Variants in OSBPL2 observed in about 807,000 individuals in gnomAD.
OSBPL2 encodes the protein oxysterol-binding protein-related protein 2.
Under a neutral mutation model 58.4 loss-of-function variants are expected in OSBPL2, and 18 were observed. The ratio of observed to expected loss-of-function variants is 0.31; its 90% CI spans 0.21 to 0.46. The LOEUF (loss-of-function observed/expected upper bound fraction) is 0.46. Ranked by LOEUF, OSBPL2 falls within the 20% of genes least tolerant of loss-of-function variation. The pLI, the probability that OSBPL2 is intolerant of heterozygous loss-of-function variation, is 1.00. For missense variants in OSBPL2, 461 were observed against 616.5 expected (o/e 0.75, Z 2.67); for synonymous variants, 221 against 234.1 (o/e 0.94, Z 0.51).
At chr20:62,245,979 A>G (rs1246352669) in intron 1 of OSBPL2, among the ~76,000 whole-genome samples, 1 of 152,234 alleles carries the variant, frequency 6.6e-6, no homozygotes, top group African/African-American at 2.4e-5. Flanking sequence ...GGAAGGAGGA[A>G]TGGGGCCTGG....
At chr20:62,259,829 C>A in intron 2 of OSBPL2, 152 bp from the exon 3 acceptor site, 1 of 722,424 alleles carries the variant, frequency 1.4e-6, no homozygotes, top group Middle Eastern at 3.2e-4. Flanking sequence ...ACCGTGTCTG[C>A]TTCTGGAGAA....
intron 6 of OSBPL2, among the ~76,000 whole-genome samples, chr20:62,277,120 G>A (rs775846138): frequency 3.3e-5 from 5 of 152,052 alleles, no homozygotes; most frequent in Admixed American, 1.3e-4. Context: ...GCGTGGTGGC[G>A]GGTGCCTGTA....
intron 1 of OSBPL2, chr20:62,242,729 G>A (rs570406318): frequency 6.6e-6 from 1 of 152,580 alleles, no homozygotes; most frequent in African/African-American, 2.4e-5. Context: ...CAAGTCAGGG[G>A]TGGGAAGGGT....
chr20:62,291,514 C>T (rs1329669323), intron 12 of OSBPL2, 189 bp from the exon 13 acceptor site: 7 of 635,700 alleles, frequency 1.1e-5, no homozygotes, highest in South Asian at 1.7e-5. Flanking sequence ...TTGGGAAGGG[C>T]CCTGTTGGCG....
In OSBPL2 at chr20:62,256,373, C is replaced by A. The variant is rs75323599; in HGVS notation, c.37+152C>A. 45,642 of 610,550 alleles carry A rather than the reference C, an allele frequency of 0.075. 2,229 individuals carry two copies. The highest frequency in any genetic ancestry group is 0.09 in the Non-Finnish European group (32,431 of 361,900). 37.8% of individuals were successfully genotyped at this position (610,550 alleles called of 1,614,324 possible). A position where few individuals can be genotyped will look rare whatever the true frequency, so the allele number is the denominator to read the frequency against. ...CCCAAACACGGACTGTTCAGCAAAACCTGACATCCATCTCAGAGGTGGGAA... is the reference window on the plus strand; with the variant it reads ...CCCAAACACGGACTGTTCAGCAAAAACTGACATCCATCTCAGAGGTGGGAA... On this transcript the variant is annotated intron_variant, in intron 2 of 13. Coordinates refer to ENST00000313733, the MANE Select transcript of OSBPL2 (RefSeq NM_144498.4).
rs142341897 is a variant in OSBPL2 at position 62,273,344 on chromosome 20, C to T, written c.429C>T (p.Ser143=). 1.9e-5 allele frequency: 30 copies of T among 1,605,552 alleles called. No homozygotes were observed. Among genetic ancestry groups the T allele is most frequent in the South Asian group, 1.2e-4 (11 of 89,674 alleles). Residue 143 remains serine, a synonymous_variant, in exon 6 of 14, where the codon TCC becomes TCT. Coordinates refer to ENST00000313733, the MANE Select transcript of OSBPL2 (RefSeq NM_144498.4). The part of the protein sequence containing the change: ...VAAFAVSAVA[S]QWERTGKPFN... Reference sequence around the variant, plus strand: ...CTTTTGCTGTTTCGGCTGTGGCTTCCCAGTGGGAGAGGACCGGCAAACCAT... The same window carrying T: ...CTTTTGCTGTTTCGGCTGTGGCTTCTCAGTGGGAGAGGACCGGCAAACCAT...
At chr20:62,272,042 G>T in intron 4 of OSBPL2, 83 bp from the exon 5 acceptor site, 1 of 1,529,050 alleles carries the variant, frequency 6.5e-7, no homozygotes, top group South Asian at 1.2e-5. Flanking sequence ...GCTCCATGAA[G>T]GGATGCTCAG....
intron 1 of OSBPL2, among the ~76,000 whole-genome samples, chr20:62,243,246 C>G (rs1038285864): frequency 6.6e-6 from 1 of 152,222 alleles, no homozygotes; most frequent in Non-Finnish European, 1.5e-5. Context: ...CTGGCTCTGG[C>G]TTGGCCTCTC....
At chr20:62,266,670 C>T (rs1011449805) in intron 4 of OSBPL2, among the ~76,000 whole-genome samples, 1 of 152,222 alleles carries the variant, frequency 6.6e-6, no homozygotes, top group African/African-American at 2.4e-5. Context: ...CCACACCCCC[C>T]ACTTCTCTCC....
intron 9 of OSBPL2, among the ~76,000 whole-genome samples, chr20:62,283,611 C>A (rs1205899181): frequency 6.6e-6 from 1 of 152,196 alleles, no homozygotes; most frequent in Non-Finnish European, 1.5e-5. Flanking sequence ...GAAGGACACA[C>A]ACACAACACA....
In OSBPL2 at chr20:62,284,035, TTTAA is replaced by T; in HGVS notation, c.873-7_873-4del. 1 of 1,608,456 alleles carries T rather than the reference TTTAA, an allele frequency of 6.2e-7. No homozygotes were observed. Among genetic ancestry groups the T allele is most frequent in the Non-Finnish European group, 8.5e-7 (1 of 1,176,136 alleles). On this transcript the variant is annotated splice_region_variant and splice_polypyrimidine_tract_variant and intron_variant, in intron 9 of 13. Transcript: ENST00000313733. Reference sequence around the variant, plus strand: ...CTAAGACTTGTCTTTAAAAATCCCATTTAATTACAGCAAAAAGAAGCTCTTTATG... The same window carrying T: ...CTAAGACTTGTCTTTAAAAATCCCATTTACAGCAAAAAGAAGCTCTTTATG...
rs1264692358 is a variant in OSBPL2, at chr20:62,288,058, G to A, written c.1126-1149G>A. 6.6e-6 allele frequency among the ~76,000 whole-genome samples: 1 copy of A among 152,122 alleles called. No individual in the cohort carries two copies. Among genetic ancestry groups the A allele is most frequent in the African/African-American group, 2.4e-5 (1 of 41,422 alleles). ...AGGGGTGGGGGTGTCTAGGGATTGC[G>A]TTTGGGCGGAGGGGACAGTCAGGGC... is the stretch of plus-strand genomic sequence containing the variant. On this transcript the variant is annotated intron_variant, in intron 11 of 13. Coordinates refer to ENST00000313733, the MANE Select transcript of OSBPL2 (RefSeq NM_144498.4). The surrounding 1 kb of genome is among the most constrained non-coding windows in gnomAD (Gnocchi z 4.8).
At chr20:62,253,032 AG>A (rs1389472531) in intron 1 of OSBPL2, among the ~76,000 whole-genome samples, 1 of 152,278 alleles carries the variant, frequency 6.6e-6, no homozygotes, top group Non-Finnish European at 1.5e-5. Context: ...AGATAAAGCT[AG>A]AAACTGGACA....
Position 62,279,250 on chromosome 20 carries a change from G to C in OSBPL2, c.585G>C (p.Leu195=). 1 of 1,614,216 alleles carries C rather than the reference G, an allele frequency of 6.2e-7. No homozygotes were observed. Among genetic ancestry groups the C allele is most frequent in the Non-Finnish European group, 8.5e-7 (1 of 1,180,028 alleles). The part of the protein sequence containing the change: ...FHSEGLNHDF[L]FHGSIYPKLK... The stretch of plus-strand genomic sequence containing the variant: ...CGGAAGGTCTCAACCATGACTTCCT[G>C]TTCCATGGCTCCATCTACCCCAAGC... The change falls in exon 7 of 14, where the codon CTG becomes CTC. Residue 195 remains leucine (L), a synonymous_variant. Transcript: ENST00000313733.
intron 1 of OSBPL2, among the ~76,000 whole-genome samples, chr20:62,251,433 A>G (rs1980531549): frequency 9.0e-6 from 1 of 111,272 alleles, no homozygotes; most frequent in Non-Finnish European, 1.9e-5. Flanking sequence ...TTTAAGACAG[A>G]TTTTTGCTCT....
At chr20:62,282,516 C>G (rs759933716) in intron 9 of OSBPL2, among the ~76,000 whole-genome samples, 8 of 152,116 alleles carry the variant, frequency 5.3e-5, no homozygotes, top group Non-Finnish European at 1.2e-4. Flanking sequence ...GTAGACATTT[C>G]CCATTAGAAA....
chr20:62,280,333 G>A (rs891864049), intron 7 of OSBPL2: 7 of 329,196 alleles, frequency 2.1e-5, no homozygotes, highest in African/African-American at 1.1e-4. Flanking sequence ...GTATGGCCGA[G>A]TGCCTGTTGT....
chr20:62,258,078 G>C (rs1375296429), intron 2 of OSBPL2, among the ~76,000 whole-genome samples: 4 of 152,120 alleles, frequency 2.6e-5, no homozygotes, highest in Non-Finnish European at 5.9e-5. Flanking sequence ...GTGTGATGTG[G>C]TACTCAGATG....
At chr20:62,280,145 C>G (rs957338838) in intron 7 of OSBPL2, 5 of 1,298,680 alleles carry the variant, frequency 3.9e-6, no homozygotes, top group African/African-American at 1.5e-5. Context: ...AAGCCACTGC[C>G]TGCAGTCTTG....
Sources: gnomAD v4.1 joint callset for allele counts (sites outside exome capture counted in the v4.1 genomes callset) on GRCh38, gnomAD v4.1.1 for gene constraint, Gnocchi (gnomAD v3.1) non-coding constraint, MANE v1.5 for transcripts, NCBI Gene and HGNC (gene_info 2026-07-23, HGNC 2026-07-21) for gene names.